CLMP: variants seen among roughly 807,000 people sequenced by gnomAD.
CLMP encodes CXADR like cell adhesion molecule.
A neutral mutation model predicts 45.2 loss-of-function variants in CLMP; 27 were observed. That is an observed-to-expected ratio of 0.60 (90% CI 0.44 to 0.82). The LOEUF (loss-of-function observed/expected upper bound fraction) is 0.82, where lower values mean the gene tolerates loss of function less well. CLMP is among the 40% of genes least tolerant of loss of function. The probability of loss-of-function intolerance (pLI) is 0.00; values close to 1 mark genes in which losing one functional copy is unlikely to be tolerated. For missense variants in CLMP, 403 were observed against 448.4 expected (o/e 0.90, Z 0.91); for synonymous variants, 167 against 171.4 (o/e 0.97, Z 0.20).
At chr11:123,147,884 C>T (rs1418304776) in intron 1 of CLMP, among the ~76,000 whole-genome samples, 1 of 150,650 alleles carries the variant, frequency 6.6e-6, no homozygotes, top group Non-Finnish European at 1.5e-5. Context: ...GTGATCATGG[C>T]TCACTGCAGC....
At chr11:123,100,666 G>A (rs1035758017) in intron 1 of CLMP, among the ~76,000 whole-genome samples, 4 of 152,140 alleles carry the variant, frequency 2.6e-5, no homozygotes, top group African/African-American at 7.2e-5. Flanking sequence ...GGAAGTCACA[G>A]CCCTGCTTTG....
At chr11:123,094,255 C>A (rs751730326) in intron 2 of CLMP, among the ~76,000 whole-genome samples, 1 of 152,106 alleles carries the variant, frequency 6.6e-6, no homozygotes, top group Non-Finnish European at 1.5e-5. Context: ...TATAGGCCTG[C>A]GCCACCATGC....
At chr11:123,127,401 C>T (rs1860911694) in intron 1 of CLMP, among the ~76,000 whole-genome samples, 1 of 152,166 alleles carries the variant, frequency 6.6e-6, no homozygotes. Context: ...GGATTACAGG[C>T]GTGAGCCACA....
In CLMP at chr11:123,084,724, G is replaced by A. The variant is rs1212556493; in HGVS notation, c.187-11C>T. On this transcript the variant is annotated splice_polypyrimidine_tract_variant and intron_variant, in intron 2 of 6. Transcript: ENST00000448775. ...GGAGTAAGTGATCACCTGTGGGATA[G>A]ACCGAGGCAGAGTCAAGCAGCGTAA... The A allele has an allele frequency of 1.9e-6, 3 of 1,612,310 alleles. No homozygotes were observed. Among genetic ancestry groups the A allele is most frequent in the Non-Finnish European group, 1.7e-6 (2 of 1,178,562 alleles).
In CLMP at chr11:123,120,230, G is replaced by A. The variant is rs185114985; in HGVS notation, c.29-22278C>T. Among the ~76,000 whole-genome samples, 667 of 152,066 alleles carry A rather than the reference G, an allele frequency of 4.4e-3. 2 individuals carry two copies. Among genetic ancestry groups the A allele is most frequent in the African/African-American group, 0.015 (642 of 41,490 alleles). ...GAGCCCAGGAGATTGAGACCAACCT[G>A]GGCAACACAGTGAGACCCCATCTCC... On this transcript the variant is annotated intron_variant, in intron 1 of 6. Coordinates refer to ENST00000448775, the MANE Select transcript of CLMP (RefSeq NM_024769.5).
intron 1 of CLMP, among the ~76,000 whole-genome samples, chr11:123,166,654 T>C (rs1861560970): frequency 6.6e-6 from 1 of 152,184 alleles, no homozygotes; most frequent in African/African-American, 2.4e-5. Flanking sequence ...CTGGGGGCCA[T>C]AAGAGCTCCA....
At chr11:123,150,470 A>AGAAG (rs1861304087) in intron 1 of CLMP, among the ~76,000 whole-genome samples, 1 of 106,912 alleles carries the variant, frequency 9.4e-6, no homozygotes, top group East Asian at 2.6e-4. Flanking sequence ...AAAGAAAGAA[A>AGAAG]GAAAGAAAGA....
intron 1 of CLMP, among the ~76,000 whole-genome samples, chr11:123,132,605 C>T (rs1158806013): frequency 4.6e-5 from 7 of 151,708 alleles, no homozygotes; most frequent in African/African-American, 1.7e-4. Flanking sequence ...ATTACAGGCG[C>T]CTGCCACCAC....
chr11:123,118,232 C>T (rs1279471284), intron 1 of CLMP, among the ~76,000 whole-genome samples: 5 of 152,046 alleles, frequency 3.3e-5, no homozygotes, highest in African/African-American at 7.2e-5. Flanking sequence ...GGAGTTCAAG[C>T]GATTCTCCTG....
intron 1 of CLMP, among the ~76,000 whole-genome samples, chr11:123,120,821 C>G (rs75695251): frequency 0.023 from 3,428 of 152,040 alleles, 135 homozygotes; most frequent in African/African-American, 0.077. Context: ...ATGTTATATT[C>G]AGAGATACTA....
intron 1 of CLMP, among the ~76,000 whole-genome samples, chr11:123,162,724 T>C (rs1296300580): frequency 6.6e-6 from 1 of 150,658 alleles, no homozygotes; most frequent in African/African-American, 2.4e-5. Context: ...GACGAAACAT[T>C]GTCTCTAAAA....
At chr11:123,125,772 T>G (rs1044346643) in intron 1 of CLMP, among the ~76,000 whole-genome samples, 1 of 150,480 alleles carries the variant, frequency 6.6e-6, no homozygotes, top group Non-Finnish European at 1.5e-5. Flanking sequence ...CCTGGCTAAT[T>G]TTTTTGTATT....
At chr11:123,138,933 G>A (rs1463261645) in intron 1 of CLMP, among the ~76,000 whole-genome samples, 1 of 152,054 alleles carries the variant, frequency 6.6e-6, no homozygotes, top group Non-Finnish European at 1.5e-5. Context: ...GGTATTACAG[G>A]GCGTGAGCCA....
intron 1 of CLMP, among the ~76,000 whole-genome samples, chr11:123,105,554 G>A (rs1332214485): frequency 1.3e-5 from 2 of 149,992 alleles, no homozygotes; most frequent in African/African-American, 2.5e-5. Flanking sequence ...CCTCAGCCAC[G>A]TGAATAGCTG....
intron 2 of CLMP, among the ~76,000 whole-genome samples, chr11:123,094,406 C>T (rs769855931): frequency 1.3e-5 from 2 of 151,870 alleles, no homozygotes; most frequent in African/African-American, 4.8e-5. Context: ...TGTGCCCGCC[C>T]GGCCCAGCCC....
At chr11:123,157,546 C>T (rs1208171783) in intron 1 of CLMP, among the ~76,000 whole-genome samples, 2 of 151,896 alleles carry the variant, frequency 1.3e-5, no homozygotes, top group Non-Finnish European at 2.9e-5. Flanking sequence ...AGAGCGAAAC[C>T]CTGTCTCAAC....
intron 1 of CLMP, among the ~76,000 whole-genome samples, chr11:123,167,405 C>T (rs1861571935): frequency 6.6e-6 from 1 of 152,154 alleles, no homozygotes; most frequent in Non-Finnish European, 1.5e-5. Flanking sequence ...CCTGCCTCAG[C>T]CTCCTGAGTA....
chr11:123,074,978 G>A lies in CLMP; in HGVS notation c.680-135C>T, dbSNP rs576766855. On this transcript the variant is annotated intron_variant, in intron 5 of 6. Transcript: ENST00000448775. ...TGTTTTGTTTTTTTTTTTTTGAGAC[G>A]GAGTTTCACTCTTGTTGCCCAGGCT... The A allele has an allele frequency of 1.9e-4, 186 of 997,752 alleles. 1 individual carries two copies. The African/African-American group carries it at 2.7e-3, about 15-fold the overall frequency. The allele number at this position is 997,752 out of a possible 1,614,324, so 61.8% of individuals were successfully genotyped here. A position where few individuals can be genotyped will look rare whatever the true frequency, so the allele number is the denominator to read the frequency against.
chr11:123,157,353 G>A (rs771749674), intron 1 of CLMP, among the ~76,000 whole-genome samples: 40 of 152,008 alleles, frequency 2.6e-4, no homozygotes, highest in Non-Finnish European at 4.6e-4. Flanking sequence ...TCAGGAATTC[G>A]AAATCTGCCT....
Sources: gnomAD v4.1 joint callset for allele counts (sites outside exome capture counted in the v4.1 genomes callset) on GRCh38, gnomAD v4.1.1 for gene constraint, MANE v1.5 for transcripts, NCBI Gene and HGNC (gene_info 2026-07-23, HGNC 2026-07-21) for gene names.